SIPA1L3: variants seen among roughly 807,000 people sequenced by gnomAD.
SIPA1L3 encodes the protein signal induced proliferation associated 1 like 3.
A neutral mutation model predicts 150.1 loss-of-function variants in SIPA1L3; 59 were observed. The observed-to-expected ratio is 0.39, with a 90% CI of 0.32 to 0.49. The LOEUF (loss-of-function observed/expected upper bound fraction) is 0.49. SIPA1L3 is among the 20% of genes least tolerant of loss of function. The pLI, the probability that SIPA1L3 is intolerant of heterozygous loss-of-function variation, is 0.86. For synonymous variants in SIPA1L3, 1,070 were observed against 1,077.6 expected (o/e 0.99, Z 0.14); for missense variants, 2,211 against 2,489.5 (o/e 0.89, Z 2.38).
rs1491399362 is a variant in SIPA1L3, at chr19:37,941,453, T to TG, written c.-379+34095_-379+34096insG. On this transcript the variant is annotated intron_variant, in intron 1 of 21. Coordinates refer to ENST00000222345, the MANE Select transcript of SIPA1L3 (RefSeq NM_015073.3). ...CTGGTGGTTTCTAATCTGTTGTGTG[T>TG]TTTTTTTTTTTTTTTTTCCTGCAGA... 1.5e-4 allele frequency among the ~76,000 whole-genome samples: 18 copies of TG among 123,796 alleles called. No homozygotes were observed. The East Asian group carries it at 1.7e-3, about 12-fold the overall frequency. 81.2% of individuals were successfully genotyped at this position (123,796 alleles called of 152,430 possible).
rs1339913421 is a variant in SIPA1L3 at position 38,195,798 on chromosome 19, CCCCG to C, written c.4840+2022_4840+2025del. ...AGGCACCACCACAGGCCCCGTCCCC[CCCCG>C]CCCCCCCGGGTTTCTCTCACCCCCC... is the stretch of plus-strand genomic sequence containing the variant. On this transcript the variant is annotated intron_variant, in intron 18 of 21. Coordinates refer to ENST00000222345, the MANE Select transcript of SIPA1L3 (RefSeq NM_015073.3). Among the ~76,000 whole-genome samples, 657 of 115,178 alleles carry C rather than the reference CCCCG, an allele frequency of 5.7e-3. 77 individuals are homozygous for C. The highest frequency in any genetic ancestry group is 0.022 in the African/African-American group (603 of 27,760). 75.6% of individuals were successfully genotyped at this position (115,178 alleles called of 152,430 possible). A position where few individuals can be genotyped will look rare whatever the true frequency, so the allele number is the denominator to read the frequency against.
intron 1 of SIPA1L3, among the ~76,000 whole-genome samples, chr19:37,955,768 C>T (rs187738364): frequency 3.3e-5 from 5 of 152,186 alleles, no homozygotes; most frequent in South Asian, 2.1e-4. Context: ...TTTGTTTATT[C>T]GTTAACCATG....
intron 1 of SIPA1L3, among the ~76,000 whole-genome samples, chr19:37,960,325 CCTA>C (rs2046845833): frequency 6.6e-6 from 1 of 152,086 alleles, no homozygotes; most frequent in Admixed American, 6.5e-5. Flanking sequence ...GCAGCCTCAA[CCTA>C]CTGTGTTCAA....
intron 15 of SIPA1L3, among the ~76,000 whole-genome samples, chr19:38,181,024 A>G (rs972419424): frequency 3.3e-5 from 5 of 152,138 alleles, no homozygotes; most frequent in African/African-American, 1.2e-4. Context: ...CCTGATGCAC[A>G]TATGTTGGTA....
intron 2 of SIPA1L3, among the ~76,000 whole-genome samples, chr19:38,031,679 G>T (rs1455090993): frequency 6.6e-6 from 1 of 152,178 alleles, no homozygotes; most frequent in Non-Finnish European, 1.5e-5. Context: ...TTTCTCCACA[G>T]TAAAGTTACA....
intron 1 of SIPA1L3, among the ~76,000 whole-genome samples, chr19:37,950,511 C>T (rs1428841747): frequency 2.0e-5 from 3 of 152,180 alleles, no homozygotes; most frequent in African/African-American, 4.8e-5. Flanking sequence ...ATTGGATGTA[C>T]GTTTGTCGTC....
At chr19:38,110,143 G>C in intron 7 of SIPA1L3, 84 bp from the exon 8 acceptor site, 6 of 1,356,394 alleles carry the variant, frequency 4.4e-6, no homozygotes, top group Non-Finnish European at 6.2e-6. Flanking sequence ...GGGGTGGGTG[G>C]GGGGAGCTGT....
chr19:37,969,289 C>T (rs758366353), intron 1 of SIPA1L3, among the ~76,000 whole-genome samples: 24 of 151,968 alleles, frequency 1.6e-4, no homozygotes, highest in Non-Finnish European at 3.1e-4. Context: ...TGGTGGCTCA[C>T]GTCTGTAATC....
intron 15 of SIPA1L3, among the ~76,000 whole-genome samples, chr19:38,169,031 C>A (rs941774993): frequency 1.3e-5 from 2 of 152,032 alleles, no homozygotes; most frequent in African/African-American, 4.8e-5. Context: ...TTGCAACTCA[C>A]CCCCTGATTT....
chr19:38,174,771 T>C (rs184857090), intron 15 of SIPA1L3, among the ~76,000 whole-genome samples: 391 of 151,924 alleles, frequency 2.6e-3, no homozygotes, highest in African/African-American at 8.9e-3. Flanking sequence ...AATCACTTGA[T>C]TGCAGTGAGC....
intron 21 of SIPA1L3, 134 bp from the exon 22 acceptor site, chr19:38,205,963 C>G (rs1185317619): frequency 1.9e-6 from 2 of 1,034,928 alleles, no homozygotes; most frequent in Admixed American, 3.1e-5. Context: ...GGGATGTGTG[C>G]CCCGGCCTGG....
chr19:38,086,447 C>T (rs1970133698), intron 3 of SIPA1L3, among the ~76,000 whole-genome samples: 1 of 152,004 alleles, frequency 6.6e-6, no homozygotes, highest in Admixed American at 6.6e-5. Flanking sequence ...CCACCACTTT[C>T]GGAGGCCGAG....
rs774891539 is a variant in SIPA1L3 at position 38,083,052 on chromosome 19, A to G, written c.1487A>G (p.His496Arg). The change falls in exon 3 of 22, where the codon CAT (histidine) becomes CGT (arginine). Residue 496 changes from histidine (H) to arginine (R), a missense_variant. Around this residue, in one of 5 missense-constraint regions of SIPA1L3, gnomAD observed 625 missense variants for 804.2 expected, o/e 0.78. Coordinates refer to ENST00000222345, the MANE Select transcript of SIPA1L3 (RefSeq NM_015073.3). The stretch of plus-strand genomic sequence containing the variant: ...CGGCCCCGGCAGTACAGCATCGAGC[A>G]TGTGGACCTGGGCGCCCGCTACTAC... ...QSRPRQYSIE[H>R]VDLGARYYQD... is the part of the protein sequence containing the mutation. 2.2e-5 allele frequency: 36 copies of G among 1,612,668 alleles called. No individual in the cohort carries two copies. Among genetic ancestry groups the G allele is most frequent in the Non-Finnish European group, 2.8e-5 (33 of 1,179,998 alleles).
chr19:38,133,876 G>A (rs894956691), intron 10 of SIPA1L3, among the ~76,000 whole-genome samples: 1 of 152,196 alleles, frequency 6.6e-6, no homozygotes, highest in Non-Finnish European at 1.5e-5. Context: ...TTGTGACTGT[G>A]GAGTGCTGGT....
chr19:38,112,264 ACATGCACATATG>A (rs1400309126), intron 8 of SIPA1L3, among the ~76,000 whole-genome samples: 1 of 151,784 alleles, frequency 6.6e-6, no homozygotes, highest in African/African-American at 2.4e-5. Flanking sequence ...ACACACAAGC[ACATGCACATATG>A]CACACACATA....
At chr19:38,124,724 G>A (rs1484481424) in intron 9 of SIPA1L3, among the ~76,000 whole-genome samples, 2 of 152,248 alleles carry the variant, frequency 1.3e-5, no homozygotes, top group Admixed American at 1.3e-4. Context: ...TGAGCACTGA[G>A]TGAACCAGAC....
At chr19:38,153,276 C>G (rs1971869351) in intron 13 of SIPA1L3, among the ~76,000 whole-genome samples, 1 of 152,186 alleles carries the variant, frequency 6.6e-6, no homozygotes, top group African/African-American at 2.4e-5. Context: ...AAAGATTAAG[C>G]ATTGAGCTCT....
intron 1 of SIPA1L3, among the ~76,000 whole-genome samples, chr19:37,993,934 G>A (rs1488188149): frequency 2.0e-5 from 3 of 151,824 alleles, no homozygotes; most frequent in African/African-American, 2.4e-5. Context: ...TTGCTCTGTC[G>A]CCTAGGCTGG....
rs190009993 is a variant in SIPA1L3, at chr19:38,047,465, C to T, written c.-311+18309C>T. Among the ~76,000 whole-genome samples, 40 of 152,238 alleles carry T rather than the reference C, an allele frequency of 2.6e-4. No homozygotes were observed. The highest frequency in any genetic ancestry group is 2.1e-3 in the East Asian group (11 of 5,182). On this transcript the variant is annotated intron_variant, in intron 2 of 21. Transcript: ENST00000222345. This position sits in a 1 kb window ranked among gnomAD's most constrained non-coding sequence, Gnocchi z 4.7. ...CAGGACCTGGCCCGAAAGAGCTGCT[C>T]AGTAAATATTTGTTGAATGAATGAA...
Sources: gnomAD v4.1 joint callset for allele counts (sites outside exome capture counted in the v4.1 genomes callset) on GRCh38, gnomAD v4.1.1 for gene constraint, gnomAD v4.1.1 regional missense constraint, Gnocchi (gnomAD v3.1) non-coding constraint, MANE v1.5 for transcripts, NCBI Gene and HGNC (gene_info 2026-07-23, HGNC 2026-07-21) for gene names.